The following DNAI1 variants were observed in gnomAD, a reference collection of about 807,000 sequenced individuals.
DNAI1 encodes the protein dynein axonemal intermediate chain 1.
DNAI1 carries 67 observed loss-of-function variants against 92.0 expected under a neutral mutation model. That is an observed-to-expected ratio of 0.73 (90% CI 0.60 to 0.89). The LOEUF (loss-of-function observed/expected upper bound fraction) is 0.89, where lower values mean the gene tolerates loss of function less well. Ranked by LOEUF, DNAI1 falls within the 40% of genes least tolerant of loss-of-function variation. The probability of loss-of-function intolerance (pLI) is 0.00; values close to 1 mark genes in which losing one functional copy is unlikely to be tolerated. For synonymous variants in DNAI1, 323 were observed against 319.6 expected, an observed-to-expected ratio of 1.01 and a Z score of -0.11; for missense variants, 839 against 866.6, an observed-to-expected ratio of 0.97 and a Z score of 0.40.
At chr9:34,512,287 A>C in intron 14 of DNAI1, 50 bp from the exon 15 acceptor site, 1 of 1,611,746 alleles carries the variant, frequency 6.2e-7, no homozygotes, top group Non-Finnish European at 8.5e-7. Context: ...TTGCTCATCT[A>C]GCCCAACCCA....
Position 34,491,394 on chromosome 9 carries a change from C to T in DNAI1, c.622-101C>T, listed in dbSNP as rs1587071875. 3.1e-6 allele frequency: 4 copies of T among 1,288,484 alleles called. No individual in the cohort carries two copies. In the East Asian group the frequency reaches 9.5e-5, roughly 31 times the overall value. The allele number at this position is 1,288,484 out of a possible 1,614,324, so 79.8% of individuals were successfully genotyped here. A position where few individuals can be genotyped will look rare whatever the true frequency, so the allele number is the denominator to read the frequency against. On this transcript the variant is annotated intron_variant, in intron 7 of 19. Coordinates refer to ENST00000242317, the MANE Select transcript of DNAI1 (RefSeq NM_012144.4). ...TCCCCAGCTCTGTGTCCCAAACCTC[C>T]ATCAGCCCCAGCCAAAATGCTTCTC...
In DNAI1 at chr9:34,458,870, C is replaced by A; in HGVS notation, c.-136C>A. Reference sequence around the variant, plus strand: ...GCAAGGGCACGGGGACCCACAACGACGGCTGTCCCTAAAGAACCGTTGCGA... The same window carrying A: ...GCAAGGGCACGGGGACCCACAACGAAGGCTGTCCCTAAAGAACCGTTGCGA... On this transcript the variant is annotated 5_prime_UTR_variant, in exon 1 of 20. Transcript: ENST00000242317. The surrounding 1 kb of genome is among the most constrained non-coding windows in gnomAD (Gnocchi z 6.6). The A allele has an allele frequency of 1.3e-6, 1 of 776,318 alleles. No individual in the cohort carries two copies. The allele number at this position is 776,318 out of a possible 1,614,324, so 48.1% of individuals were successfully genotyped here. A position where few individuals can be genotyped will look rare whatever the true frequency, so the allele number is the denominator to read the frequency against.
intron 5 of DNAI1, 87 bp from the exon 6 acceptor site, chr9:34,489,925 C>A: frequency 6.4e-7 from 1 of 1,563,280 alleles, no homozygotes. Context: ...CCAAGGAAAA[C>A]CCCAGGCAGA....
chr9:34,512,007 C>T (rs1310710607), intron 13 of DNAI1, 102 bp from the exon 14 acceptor site: 4 of 1,085,952 alleles, frequency 3.7e-6, no homozygotes, highest in Non-Finnish European at 5.7e-6. Flanking sequence ...CCAGAAGTTG[C>T]TTCTGAGCCT....
At chr9:34,473,078 G>A (rs1824171285) in intron 1 of DNAI1, among the ~76,000 whole-genome samples, 1 of 151,916 alleles carries the variant, frequency 6.6e-6, no homozygotes, top group South Asian at 2.1e-4. Flanking sequence ...AACAGATGGG[G>A]CATCTATTCC....
chr9:34,512,973 C>G, intron 15 of DNAI1, 139 bp from the exon 16 acceptor site: 1 of 780,452 alleles, frequency 1.3e-6, no homozygotes. Context: ...CCAGCCCTTA[C>G]AGGGGCCCTA....
intron 10 of DNAI1, among the ~76,000 whole-genome samples, chr9:34,498,918 A>G (rs1824774930): frequency 1.3e-5 from 2 of 152,178 alleles, no homozygotes; most frequent in Non-Finnish European, 2.9e-5. Context: ...TGAGTTTGTC[A>G]CTCACACAGC....
At chr9:34,493,382 C>CT (rs1564034244) in intron 9 of DNAI1, 54 bp downstream of exon 9, 193 of 1,612,880 alleles carry the variant, frequency 1.2e-4, no homozygotes, top group Non-Finnish European at 1.6e-4. Flanking sequence ...GAGGCCTTGG[C>CT]CTCTGGGTAG....
intron 19 of DNAI1, among the ~76,000 whole-genome samples, chr9:34,520,120 T>C (rs1825241107): frequency 6.6e-6 from 1 of 152,142 alleles, no homozygotes; most frequent in Non-Finnish European, 1.5e-5. Flanking sequence ...TGGGTATGTC[T>C]GACACAGCAG....
chr9:34,503,053 G>A lies in DNAI1; in HGVS notation c.1063+1872G>A, dbSNP rs115779072. ...CCCTCAGGGAGCCCGAGCAGAGAAG[G>A]GGGGTGTGGAGACAGAGGTAGTCTC... On this transcript the variant is annotated intron_variant, in intron 12 of 19. Transcript: ENST00000242317. 3.4e-3 allele frequency among the ~76,000 whole-genome samples: 516 copies of A among 152,314 alleles called. 6 individuals are homozygous for A. Among genetic ancestry groups the A allele is most frequent in the African/African-American group, 0.012 (497 of 41,566 alleles).
intron 8 of DNAI1, among the ~76,000 whole-genome samples, chr9:34,492,533 T>TATATATATATATAG (rs1824630516): frequency 7.9e-6 from 1 of 125,838 alleles, no homozygotes; most frequent in Non-Finnish European, 1.7e-5. Flanking sequence ...TATATATATA[T>TATATATATATATAG]ATTTGAGACA....
At chr9:34,496,774 C>T (rs536554341) in intron 9 of DNAI1, among the ~76,000 whole-genome samples, 1 of 152,208 alleles carries the variant, frequency 6.6e-6, no homozygotes, top group Non-Finnish European at 1.5e-5. Flanking sequence ...TGTCTGCTCT[C>T]CCCTGCAGAC....
At chr9:34,482,116 C>G (rs1213050308) in intron 1 of DNAI1, among the ~76,000 whole-genome samples, 1 of 152,234 alleles carries the variant, frequency 6.6e-6, no homozygotes, top group African/African-American at 2.4e-5. Context: ...CAAGTCCCCA[C>G]CAGAGCAGCT....
intron 8 of DNAI1, among the ~76,000 whole-genome samples, chr9:34,492,493 G>GAGATATATATATATATATATATATAT (rs1271867592): frequency 5.9e-5 from 4 of 68,258 alleles, no homozygotes; most frequent in Admixed American, 1.7e-4. Context: ...GGGATATGAA[G>GAGATATATATATATATATATATATAT]ATATATATAT....
At position 34,508,308 on chromosome 9, in the gene DNAI1, C is replaced by T. The variant is rs550998601; in HGVS notation, c.1311+1434C>T. ...CTGCCCAGGCACAGGGGCCATGGTG[C>T]CCTCTCAGCTTTATCCTTTACCCAG... On this transcript the variant is annotated intron_variant, in intron 13 of 19. Transcript: ENST00000242317. 5.9e-5 allele frequency among the ~76,000 whole-genome samples: 9 copies of T among 152,328 alleles called. No homozygotes were observed. In the South Asian group the frequency reaches 1.9e-3, roughly 32 times the overall value.
At chr9:34,467,941 A>G (rs1824067797) in intron 1 of DNAI1, among the ~76,000 whole-genome samples, 1 of 152,218 alleles carries the variant, frequency 6.6e-6, no homozygotes, top group Non-Finnish European at 1.5e-5. Flanking sequence ...GCATGATAGT[A>G]CCAGGGAGTA....
At position 34,489,339 on chromosome 9, in the gene DNAI1, C is replaced by A; in HGVS notation, c.278C>A (p.Pro93His). ...TCTTCTTAGGAAGGCACATATAAGC[C>A]TATTGGCTTTGTGAACCAACTGGCA... ...RYSFKEGTYK[P>H]IGFVNQLAVH... Residue 93 changes from proline to histidine, a missense_variant, in exon 5 of 20, where the codon CCT becomes CAT. Physicochemically the swap from Pro to His is moderately conservative, Grantham distance 77 (BLOSUM62 -2). Coordinates refer to ENST00000242317, the MANE Select transcript of DNAI1 (RefSeq NM_012144.4). 6.2e-7 allele frequency: 1 copy of A among 1,614,068 alleles called. No individual in the cohort carries two copies. The highest frequency in any genetic ancestry group is 8.5e-7 in the Non-Finnish European group (1 of 1,179,978).
At chr9:34,511,262 T>G (rs1451486417) in intron 13 of DNAI1, among the ~76,000 whole-genome samples, 1 of 152,236 alleles carries the variant, frequency 6.6e-6, no homozygotes, top group Non-Finnish European at 1.5e-5. Context: ...GCGTGTCATC[T>G]TCATAAGACA....
chr9:34,490,551 G>A, intron 7 of DNAI1, 63 bp downstream of exon 7: 5 of 1,611,210 alleles, frequency 3.1e-6, no homozygotes, highest in Non-Finnish European at 4.2e-6. Flanking sequence ...GGAAGAAGCA[G>A]GCCTGACCCT....
Sources: allele counts gnomAD v4.1 joint callset (sites outside exome capture counted in the v4.1 genomes callset), GRCh38; gene constraint gnomAD v4.1.1; non-coding constraint Gnocchi (gnomAD v3.1); transcripts MANE v1.5; gene names NCBI Gene and HGNC (gene_info 2026-07-23, HGNC 2026-07-21).